The following SLC25A45 variants were observed in gnomAD, a reference collection of about 807,000 sequenced individuals.
SLC25A45 encodes methylated amino-acid transporter SLC25A45.
SLC25A45 carries 22 observed loss-of-function variants against 23.0 expected under a neutral mutation model. The observed-to-expected ratio is 0.95, with a 90% CI of 0.68 to 1.36. SLC25A45 has a LOEUF of 1.36. Among genes scored for constraint, SLC25A45 ranks in the 40% most tolerant of loss-of-function variants. The pLI is 0.00. For missense variants in SLC25A45, 355 were observed against 383.5 expected, an observed-to-expected ratio of 0.93 and a Z score of 0.62; for synonymous variants, 136 against 155.0, an observed-to-expected ratio of 0.88 and a Z score of 0.91.
chr11:65,376,817 C>G lies in SLC25A45; in HGVS notation c.598+1G>C. On this transcript the variant is annotated splice_donor_variant, in intron 6 of 6. Coordinates refer to ENST00000398802, the MANE Select transcript of SLC25A45 (RefSeq NM_182556.4). LOFTEE classifies it high-confidence loss of function. ...CCATCCTCTCACGCCACTTTACTTA[C>G]TGGGATTCTGGCCTTCTGGTGTGTA... is the stretch of plus-strand genomic sequence containing the variant. 1 of 1,614,236 alleles carries G rather than the reference C, an allele frequency of 6.2e-7. No homozygotes were observed. Among genetic ancestry groups the G allele is most frequent in the Non-Finnish European group, 8.5e-7 (1 of 1,180,040 alleles).
At chr11:65,377,429 C>G in intron 5 of SLC25A45, 1 of 1,093,890 alleles carries the variant, frequency 9.1e-7, no homozygotes, top group Non-Finnish European at 1.1e-6. Flanking sequence ...CATACCTGTA[C>G]GGTGGGCAGG....
In SLC25A45 at chr11:65,382,191, C is replaced by T. The variant is rs1042682196; in HGVS notation, c.-18-222G>A. The T allele has an allele frequency of 1.8e-6, 1 of 566,476 alleles. No homozygotes were observed. The highest frequency in any genetic ancestry group is 2.9e-5 in the East Asian group (1 of 34,360). 35.1% of individuals were successfully genotyped at this position (566,476 alleles called of 1,614,324 possible). On this transcript the variant is annotated intron_variant, in intron 1 of 6. Transcript: ENST00000398802. This position sits in a 1 kb window ranked among gnomAD's most constrained non-coding sequence, Gnocchi z 4.4. ...GTCTCACGGGCCAGGCGTGCCGGGA[C>T]CACAGAGGCCCTGATCCCCGAGCCC...
In SLC25A45 at chr11:65,376,307, G is replaced by T; in HGVS notation, c.*100C>A. The T allele has an allele frequency of 7.1e-7, 1 of 1,416,526 alleles. No homozygotes were observed. The highest frequency in any genetic ancestry group is 9.6e-7 in the Non-Finnish European group (1 of 1,039,532). 87.7% of individuals were successfully genotyped at this position (1,416,526 alleles called of 1,614,324 possible). On this transcript the variant is annotated 3_prime_UTR_variant, in exon 7 of 7. Coordinates refer to ENST00000398802, the MANE Select transcript of SLC25A45 (RefSeq NM_182556.4). ...AGGCACCTTGGTTAGGAAGGGCTGA[G>T]CCTCTTGCACTGATTTGCAAGCTTT...
At chr11:65,377,421 T>C (rs1469668342) in intron 5 of SLC25A45, 4 of 1,125,708 alleles carry the variant, frequency 3.6e-6, no homozygotes, top group African/African-American at 3.3e-5. Flanking sequence ...GCAGTGAGCA[T>C]ACCTGTACGG....
chr11:65,383,042 G>A (rs901645163), upstream of SLC25A45: 6 of 152,406 alleles, frequency 3.9e-5, no homozygotes, highest in African/African-American at 1.4e-4. Flanking sequence ...AATAAATCCT[G>A]AGTGACTGAA....
At chr11:65,379,767 C>T (rs1855445792) in intron 4 of SLC25A45, 100 bp downstream of exon 4, 5 of 1,497,622 alleles carry the variant, frequency 3.3e-6, no homozygotes, top group Non-Finnish European at 4.6e-6. Flanking sequence ...TTGGTCTTCT[C>T]TCCTCCAGGA....
chr11:65,377,107 T>G (rs1374470479), intron 5 of SLC25A45, 31 bp from the exon 6 acceptor site: 2 of 1,599,484 alleles, frequency 1.3e-6, no homozygotes, highest in African/African-American at 1.3e-5. Flanking sequence ...GGGCCCCGGG[T>G]GGGGCTTTGG....
Position 65,376,111 on chromosome 11 carries a change from A to C in SLC25A45, c.*296T>G. 4.5e-6 allele frequency: 2 copies of C among 443,862 alleles called. No individual in the cohort carries two copies. Among genetic ancestry groups the C allele is most frequent in the Non-Finnish European group, 8.2e-6 (2 of 244,900 alleles). The allele number at this position is 443,862 out of a possible 1,614,324, so 27.5% of individuals were successfully genotyped here. On this transcript the variant is annotated 3_prime_UTR_variant, in exon 7 of 7. Coordinates refer to ENST00000398802, the MANE Select transcript of SLC25A45 (RefSeq NM_182556.4). ...AAAAAAAGAGGTGAAGGCACAGGAC[A>C]GGAGCTGGGATGTCACCAGCACCAC...
At position 65,376,124 on chromosome 11, in the gene SLC25A45, T is replaced by C; in HGVS notation, c.*283A>G. On this transcript the variant is annotated 3_prime_UTR_variant, in exon 7 of 7. Coordinates refer to ENST00000398802, the MANE Select transcript of SLC25A45 (RefSeq NM_182556.4). The stretch of plus-strand genomic sequence containing the variant: ...AAGGCACAGGACAGGAGCTGGGATG[T>C]CACCAGCACCACTTGCCAGCTCACT... 1 of 486,200 alleles carries C rather than the reference T, an allele frequency of 2.1e-6. No homozygotes were observed. Among genetic ancestry groups the C allele is most frequent in the East Asian group, 3.5e-5 (1 of 28,978 alleles). The allele number at this position is 486,200 out of a possible 1,614,324, so 30.1% of individuals were successfully genotyped here.
Position 65,376,955 on chromosome 11 carries a change from A to G in SLC25A45, c.461T>C (p.Ile154Thr), listed in dbSNP as rs1288632556. 3.1e-6 allele frequency: 5 copies of G among 1,613,030 alleles called. No individual in the cohort carries two copies. Among genetic ancestry groups the G allele is most frequent in the Admixed American group, 1.7e-5 (1 of 59,894 alleles). The change falls in exon 6 of 7, where the codon ATC becomes ACC. Residue 154 changes from isoleucine (I) to threonine (T), a missense_variant. Physicochemically the swap from Ile to Thr is moderately conservative, Grantham distance 89. Coordinates refer to ENST00000398802, the MANE Select transcript of SLC25A45 (RefSeq NM_182556.4). ...YQGPVHCAAS[I>T]FREEGPRGLF... ...CCCCCGGGGCCCCTCCTCCCGGAAG[A>G]TGGAGGCTGCACAGTGCACGGGCCC... is the stretch of plus-strand genomic sequence containing the variant.
intron 5 of SLC25A45, 123 bp from the exon 6 acceptor site, chr11:65,377,199 G>A (rs1233059033): frequency 1.2e-5 from 18 of 1,451,624 alleles, no homozygotes; most frequent in Admixed American, 5.5e-5. Context: ...GAACCCTGCC[G>A]GCACCCAGCC....
rs185447790 is a variant in SLC25A45, at chr11:65,379,428, G to A, written c.287C>T (p.Pro96Leu). 1.0e-4 allele frequency: 166 copies of A among 1,613,216 alleles called. No individual in the cohort carries two copies. The highest frequency in any genetic ancestry group is 1.3e-4 in the Non-Finnish European group (152 of 1,179,974). ...ATSHQERRAQ[P>L]PSYMHIFLAG... ...TAGGAAGATGTGCATGTAGCTGGGC[G>A]GCTGGGCCCGCCGCTCCTGGTGGGA... Residue 96 changes from proline (P) to leucine (L), a missense_variant, in exon 5 of 7, where the codon CCG (proline) becomes CTG (leucine). Physicochemically the swap from Pro to Leu is moderately conservative, Grantham distance 98. Transcript: ENST00000398802.
Position 65,382,180 on chromosome 11 carries a change from GCGTGCCGGGAC to G in SLC25A45, c.-18-222_-18-212del. On this transcript the variant is annotated intron_variant, in intron 1 of 6. Coordinates refer to ENST00000398802, the MANE Select transcript of SLC25A45 (RefSeq NM_182556.4). This position sits in a 1 kb window ranked among gnomAD's most constrained non-coding sequence, Gnocchi z 4.4. The stretch of plus-strand genomic sequence containing the variant: ...TGCAGAGTACAGTCTCACGGGCCAG[GCGTGCCGGGAC>G]CACAGAGGCCCTGATCCCCGAGCCC... The G allele has an allele frequency of 1.7e-6, 1 of 576,714 alleles. No homozygotes were observed. The highest frequency in any genetic ancestry group is 3.1e-6 in the Non-Finnish European group (1 of 320,218). The allele number at this position is 576,714 out of a possible 1,614,324, so 35.7% of individuals were successfully genotyped here. A position where few individuals can be genotyped will look rare whatever the true frequency, so the allele number is the denominator to read the frequency against.
chr11:65,377,097 G>A (rs749620573), intron 5 of SLC25A45, 21 bp from the exon 6 acceptor site: 4 of 1,606,092 alleles, frequency 2.5e-6, no homozygotes, highest in East Asian at 4.5e-5. Context: ...TGAAACATGA[G>A]GGCCCCGGGT....
In SLC25A45 at chr11:65,376,116, C is replaced by T; in HGVS notation, c.*291G>A. 1 of 474,988 alleles carries T rather than the reference C, an allele frequency of 2.1e-6. No individual in the cohort carries two copies. 29.4% of individuals were successfully genotyped at this position (474,988 alleles called of 1,614,324 possible). A position where few individuals can be genotyped will look rare whatever the true frequency, so the allele number is the denominator to read the frequency against. On this transcript the variant is annotated 3_prime_UTR_variant, in exon 7 of 7. Transcript: ENST00000398802. ...AAGAGGTGAAGGCACAGGACAGGAG[C>T]TGGGATGTCACCAGCACCACTTGCC...
At chr11:65,379,211 C>G (rs1439857021) in intron 5 of SLC25A45, 165 bp downstream of exon 5, 14 of 750,626 alleles carry the variant, frequency 1.9e-5, no homozygotes, top group Non-Finnish European at 8.4e-6. Context: ...CCCCACAGCC[C>G]TCCCCCAGAG....
chr11:65,376,246 A>G lies in SLC25A45; in HGVS notation c.*161T>C. On this transcript the variant is annotated 3_prime_UTR_variant, in exon 7 of 7. Transcript: ENST00000398802. ...ACAGGCCCCCTGGCTTCCGGCTCCC[A>G]CAGGTGTCTGCCCAGCCCAGATCTG... 3 of 885,182 alleles carry G rather than the reference A, an allele frequency of 3.4e-6. No individual in the cohort carries two copies. The highest frequency in any genetic ancestry group is 5.1e-6 in the Non-Finnish European group (3 of 589,538). The allele number at this position is 885,182 out of a possible 1,614,324, so 54.8% of individuals were successfully genotyped here. A position where few individuals can be genotyped will look rare whatever the true frequency, so the allele number is the denominator to read the frequency against.
At chr11:65,380,472 A>G (rs918357776) in intron 2 of SLC25A45, 10 of 1,290,268 alleles carry the variant, frequency 7.8e-6, no homozygotes, top group Non-Finnish European at 9.5e-6. Flanking sequence ...GCTGGAGCCC[A>G]TACCCGGGTA....
chr11:65,377,868 GTC>G (rs1035897332), intron 5 of SLC25A45: 2 of 152,338 alleles, frequency 1.3e-5, no homozygotes, highest in African/African-American at 2.4e-5. Flanking sequence ...AGGCTAGCCT[GTC>G]TCTGAGGGAT....
Sources: allele counts gnomAD v4.1 joint callset, GRCh38; gene constraint gnomAD v4.1.1; non-coding constraint Gnocchi (gnomAD v3.1); transcripts MANE v1.5; gene names NCBI Gene and HGNC (gene_info 2026-07-23, HGNC 2026-07-21).